Variants in PAPPA2 observed in about 807,000 individuals in gnomAD.
The protein encoded by PAPPA2 is pappalysin-2.
Under a neutral mutation model 176.4 loss-of-function variants are expected in PAPPA2, and 86 were observed. That is an observed-to-expected ratio of 0.49 (90% CI 0.41 to 0.58). The LOEUF (loss-of-function observed/expected upper bound fraction) is 0.58. Ranked by LOEUF, PAPPA2 falls within the 20% of genes least tolerant of loss-of-function variation. PAPPA2 has a pLI of 0.00. For missense variants in PAPPA2, 2,073 were observed against 2,256.9 expected (o/e 0.92, Z 1.65); for synonymous variants, 809 against 852.2 (o/e 0.95, Z 0.88).
At chr1:176,623,774 T>C (rs952782954) in intron 3 of PAPPA2, among the ~76,000 whole-genome samples, 2 of 114,984 alleles carry the variant, frequency 1.7e-5, no homozygotes, top group African/African-American at 6.7e-5. Flanking sequence ...TTTCTTTCTT[T>C]CTTTCTTTCT....
intron 3 of PAPPA2, among the ~76,000 whole-genome samples, chr1:176,603,120 A>AT: frequency 6.6e-6 from 1 of 152,218 alleles, no homozygotes; most frequent in Middle Eastern, 3.4e-3. Context: ...CCTTTTAGAA[A>AT]TTTTTCCAGA....
At chr1:176,659,500 G>C (rs2102755921) in intron 3 of PAPPA2, among the ~76,000 whole-genome samples, 1 of 152,102 alleles carries the variant, frequency 6.6e-6, no homozygotes, top group Non-Finnish European at 1.5e-5. Flanking sequence ...TTGATTATCT[G>C]CAAAGACCCT....
chr1:176,469,839 G>A (rs1404625473), intron 1 of PAPPA2, among the ~76,000 whole-genome samples: 1 of 152,114 alleles, frequency 6.6e-6, no homozygotes, highest in Admixed American at 6.6e-5. Flanking sequence ...ACATTCCAGG[G>A]CCACAAGCAC....
chr1:176,722,763 CT>C (rs1415608320), intron 12 of PAPPA2, among the ~76,000 whole-genome samples: 1 of 152,078 alleles, frequency 6.6e-6, no homozygotes, highest in Non-Finnish European at 1.5e-5. Context: ...TGCTTTTAAA[CT>C]TTTTTGTATA....
At chr1:176,648,466 C>G (rs1657536981) in intron 3 of PAPPA2, among the ~76,000 whole-genome samples, 1 of 151,484 alleles carries the variant, frequency 6.6e-6, no homozygotes, top group South Asian at 2.1e-4. Context: ...ACTTTCAGTA[C>G]TATGTTGAAT....
intron 2 of PAPPA2, among the ~76,000 whole-genome samples, chr1:176,583,040 T>C (rs1362211580): frequency 6.6e-6 from 1 of 152,146 alleles, no homozygotes; most frequent in African/African-American, 2.4e-5. Context: ...ATTGAAGCAT[T>C]CATAATAGTT....
At chr1:176,520,573 G>T (rs1649159972) in intron 1 of PAPPA2, among the ~76,000 whole-genome samples, 1 of 152,184 alleles carries the variant, frequency 6.6e-6, no homozygotes, top group South Asian at 2.1e-4. Flanking sequence ...ATAAAAGATG[G>T]AATGTGCAGA....
At chr1:176,778,404 G>A (rs1300961241) in intron 17 of PAPPA2, among the ~76,000 whole-genome samples, 1 of 152,114 alleles carries the variant, frequency 6.6e-6, no homozygotes, top group African/African-American at 2.4e-5. Flanking sequence ...GGAAGGAGAA[G>A]GGCAAGGGCA....
At chr1:176,813,324 C>G (rs549752281) in intron 21 of PAPPA2, among the ~76,000 whole-genome samples, 2 of 152,262 alleles carry the variant, frequency 1.3e-5, no homozygotes, top group East Asian at 3.9e-4. Flanking sequence ...ATTATTGGGT[C>G]AAATGGTATT....
At chr1:176,622,091 G>A (rs1655630794) in intron 3 of PAPPA2, among the ~76,000 whole-genome samples, 3 of 152,082 alleles carry the variant, frequency 2.0e-5, no homozygotes, top group South Asian at 2.1e-4. Context: ...TGCTTGCAGA[G>A]ATCATGAAAT....
intron 8 of PAPPA2, among the ~76,000 whole-genome samples, chr1:176,701,063 C>G (rs1660633629): frequency 6.6e-6 from 1 of 151,890 alleles, no homozygotes; most frequent in African/African-American, 2.4e-5. Context: ...CACACACACA[C>G]ACACACACAC....
At chr1:176,584,699 A>G (rs971831338) in intron 2 of PAPPA2, among the ~76,000 whole-genome samples, 7 of 148,528 alleles carry the variant, frequency 4.7e-5, no homozygotes, top group Non-Finnish European at 7.4e-5. Context: ...TATGTTTGGC[A>G]TGGTTTTCTG....
chr1:176,612,141 C>T (rs1450113825), intron 3 of PAPPA2, among the ~76,000 whole-genome samples: 2 of 152,022 alleles, frequency 1.3e-5, no homozygotes, highest in Non-Finnish European at 2.9e-5. Flanking sequence ...TGCCTTTAAT[C>T]CAAGCATTTT....
chr1:176,615,028 G>A (rs1655127522), intron 3 of PAPPA2, among the ~76,000 whole-genome samples: 1 of 151,970 alleles, frequency 6.6e-6, no homozygotes, highest in African/African-American at 2.4e-5. Flanking sequence ...TGATAAGTAT[G>A]GAAAAAATTA....
At chr1:176,668,794 G>C (rs1658813402) in intron 3 of PAPPA2, among the ~76,000 whole-genome samples, 1 of 152,052 alleles carries the variant, frequency 6.6e-6, no homozygotes, top group African/African-American at 2.4e-5. Flanking sequence ...CCTTATACTT[G>C]ACGACATATA....
chr1:176,582,241 T>A (rs1653031908), intron 2 of PAPPA2, among the ~76,000 whole-genome samples: 1 of 152,154 alleles, frequency 6.6e-6, no homozygotes, highest in African/African-American at 2.4e-5. Context: ...TTTTTCTTTA[T>A]GTAAGATCAC....
chr1:176,791,259 G>A (rs1665164530), intron 18 of PAPPA2, 88 bp from the exon 19 acceptor site: 1 of 1,008,678 alleles, frequency 9.9e-7, no homozygotes, highest in East Asian at 4.9e-5. Context: ...TAGAACTGGA[G>A]AATACTACCA....
intron 4 of PAPPA2, among the ~76,000 whole-genome samples, chr1:176,678,432 T>C (rs1007002224): frequency 1.6e-5 from 2 of 128,440 alleles, no homozygotes; most frequent in African/African-American, 5.6e-5. Flanking sequence ...GTCATTTACT[T>C]TTTTTTTTTT....
chr1:176,470,967 T>A (rs1215959401), intron 1 of PAPPA2, among the ~76,000 whole-genome samples: 1 of 152,108 alleles, frequency 6.6e-6, no homozygotes, highest in Non-Finnish European at 1.5e-5. Flanking sequence ...TAGCACATCC[T>A]CAGAATGTGA....
Sources: gnomAD v4.1 joint callset for allele counts (sites outside exome capture counted in the v4.1 genomes callset) on GRCh38, gnomAD v4.1.1 for gene constraint, MANE v1.5 for transcripts, NCBI Gene and HGNC (gene_info 2026-07-23, HGNC 2026-07-21) for gene names.